The following SPMAP2L variants were observed in gnomAD, a reference collection of about 807,000 sequenced individuals.
SPMAP2L encodes the protein sperm microtubule associated protein 2-like.
chr4:56,557,251 C>T, the SPMAP2L span, among the ~76,000 whole-genome samples: 1 of 80,524 alleles, frequency 1.2e-5, no homozygotes, highest in African/African-American at 4.9e-5. Context: ...GAGGGAGACT[C>T]TGTCTCAAAA....
the SPMAP2L span, among the ~76,000 whole-genome samples, chr4:56,562,497 T>C: frequency 6.6e-6 from 1 of 152,178 alleles, no homozygotes. Context: ...GCTGCCATAT[T>C]TGTGTACCAT....
At chr4:56,563,894 T>C in the SPMAP2L span, among the ~76,000 whole-genome samples, 1 of 152,232 alleles carries the variant, frequency 6.6e-6, no homozygotes, top group Non-Finnish European at 1.5e-5. Context: ...GGTAATGGTG[T>C]CCTCATAGAA....
chr4:56,612,764 A>T, the SPMAP2L span, among the ~76,000 whole-genome samples: 10 of 151,610 alleles, frequency 6.6e-5, no homozygotes, highest in African/African-American at 2.4e-4. Context: ...ATGGGGTTTC[A>T]GCATGTTGGC....
At chr4:56,563,185 T>G in the SPMAP2L span, among the ~76,000 whole-genome samples, 5 of 143,314 alleles carry the variant, frequency 3.5e-5, no homozygotes, top group Non-Finnish European at 7.5e-5. Flanking sequence ...CTCTTCCTCC[T>G]GGGTTCAAGA....
At chr4:56,583,789 A>T in the SPMAP2L span, among the ~76,000 whole-genome samples, 1 of 152,206 alleles carries the variant, frequency 6.6e-6, no homozygotes. Context: ...GTTTTTCATA[A>T]TGAAGGTCAT....
chr4:56,594,020 C>G, the SPMAP2L span: 3 of 1,611,112 alleles, frequency 1.9e-6, no homozygotes, highest in Non-Finnish European at 2.5e-6. Flanking sequence ...CAGGGCCGCT[C>G]AGCGGCAGAT....
At chr4:56,552,851 T>A in the SPMAP2L span, among the ~76,000 whole-genome samples, 4 of 152,150 alleles carry the variant, frequency 2.6e-5, no homozygotes, top group African/African-American at 9.7e-5. Context: ...AAATCCTGAT[T>A]TAGTTGATAT....
the SPMAP2L span, among the ~76,000 whole-genome samples, chr4:56,590,151 T>A: frequency 1.3e-5 from 2 of 152,178 alleles, no homozygotes; most frequent in East Asian, 3.9e-4. Flanking sequence ...TGTGAGTTTG[T>A]CATAGAGGGC....
chr4:56,581,962 T>C, the SPMAP2L span, among the ~76,000 whole-genome samples: 1 of 152,240 alleles, frequency 6.6e-6, no homozygotes, highest in Non-Finnish European at 1.5e-5. Flanking sequence ...GATAACTGGC[T>C]ATTTGCATGC....
chr4:56,598,988 G>A, the SPMAP2L span, among the ~76,000 whole-genome samples: 5 of 152,082 alleles, frequency 3.3e-5, no homozygotes, highest in African/African-American at 1.2e-4. Flanking sequence ...CCCCGACCAT[G>A]TAAGATGTGC....
At chr4:56,595,990 A>G in the SPMAP2L span, among the ~76,000 whole-genome samples, 24 of 152,328 alleles carry the variant, frequency 1.6e-4, no homozygotes, top group African/African-American at 5.8e-4. Context: ...AGAAAGTTTT[A>G]GGAACTTTAA....
the SPMAP2L span, among the ~76,000 whole-genome samples, chr4:56,608,862 AGT>A: frequency 6.6e-6 from 1 of 152,100 alleles, no homozygotes; most frequent in East Asian, 1.9e-4. Context: ...GGTGAACCTT[AGT>A]GTGTTCAGAA....
the SPMAP2L span, among the ~76,000 whole-genome samples, chr4:56,550,530 C>G: frequency 6.6e-6 from 1 of 152,056 alleles, no homozygotes; most frequent in African/African-American, 2.4e-5. Context: ...TTAACATTTA[C>G]TGAATATTAC....
the SPMAP2L span, among the ~76,000 whole-genome samples, chr4:56,547,992 T>C: frequency 6.6e-6 from 1 of 152,214 alleles, no homozygotes; most frequent in Non-Finnish European, 1.5e-5. Flanking sequence ...GAATTATTTC[T>C]TTAGGGTCCA....
At chr4:56,612,678 C>T in the SPMAP2L span, among the ~76,000 whole-genome samples, 1 of 152,068 alleles carries the variant, frequency 6.6e-6, no homozygotes, top group Non-Finnish European at 1.5e-5. Flanking sequence ...AGCGACTCTC[C>T]TACCTCAGCC....
At chr4:56,625,602 C>T in the SPMAP2L span, among the ~76,000 whole-genome samples, 4 of 152,132 alleles carry the variant, frequency 2.6e-5, no homozygotes, top group African/African-American at 9.7e-5. Context: ...ATAAGTGTCA[C>T]AAGATCTGAT....
At chr4:56,584,512 C>G in the SPMAP2L span, 1 of 1,535,034 alleles carries the variant, frequency 6.5e-7, no homozygotes, top group Non-Finnish European at 8.7e-7. Flanking sequence ...TCAGTGATAA[C>G]TCAGCAAGAG....
At chr4:56,561,273 T>C in the SPMAP2L span, among the ~76,000 whole-genome samples, 2 of 152,180 alleles carry the variant, frequency 1.3e-5, no homozygotes, top group Non-Finnish European at 2.9e-5. Flanking sequence ...TCTTTGCATG[T>C]TTGGTGACAT....
At chr4:56,573,976 C>T in the SPMAP2L span, among the ~76,000 whole-genome samples, 2 of 152,144 alleles carry the variant, frequency 1.3e-5, no homozygotes, top group African/African-American at 2.4e-5. Flanking sequence ...TATCTGTGAA[C>T]GTCCTAAAGG....
Sources: allele counts gnomAD v4.1 joint callset (sites outside exome capture counted in the v4.1 genomes callset), GRCh38; gene constraint gnomAD v4.1.1; transcripts MANE v1.5; gene names NCBI Gene and HGNC (gene_info 2026-07-23, HGNC 2026-07-21).